DIS3L2: variants seen among roughly 807,000 people sequenced by gnomAD.
The protein encoded by DIS3L2 is DIS3 like 3'-5' exoribonuclease 2, also known as DIS3-like exonuclease 2.
A neutral mutation model predicts 97.5 loss-of-function variants in DIS3L2; 34 were observed. The ratio of observed to expected loss-of-function variants is 0.35; its 90% CI spans 0.27 to 0.46. DIS3L2 has a LOEUF of 0.46. Among genes scored for constraint, DIS3L2 ranks in the 20% least tolerant of loss-of-function variants. The pLI, the probability that DIS3L2 is intolerant of heterozygous loss-of-function variation, is 1.00. For synonymous variants in DIS3L2, 435 were observed against 445.2 expected, an observed-to-expected ratio of 0.98 and a Z score of 0.29; for missense variants, 1,038 against 1,146.0, an observed-to-expected ratio of 0.91 and a Z score of 1.36.
At chr2:232,077,139 G>A (rs927329331) in intron 5 of DIS3L2, among the ~76,000 whole-genome samples, 4 of 151,974 alleles carry the variant, frequency 2.6e-5, no homozygotes, top group African/African-American at 9.7e-5. Flanking sequence ...GTTTTTCTGG[G>A]TGCCCTCCAC....
intron 9 of DIS3L2, among the ~76,000 whole-genome samples, chr2:232,165,391 A>G (rs547550884): frequency 2.6e-4 from 39 of 152,320 alleles, no homozygotes; most frequent in African/African-American, 7.0e-4. Flanking sequence ...ATCAAAGTAT[A>G]TATGCATAGA....
intron 14 of DIS3L2, among the ~76,000 whole-genome samples, chr2:232,322,377 C>T (rs1695460866): frequency 6.6e-6 from 1 of 152,238 alleles, no homozygotes. Flanking sequence ...GCAGTCTCCA[C>T]ATCCAGCCCT....
intron 9 of DIS3L2, among the ~76,000 whole-genome samples, chr2:232,182,191 A>AT (rs201049740): frequency 0.012 from 1,883 of 152,096 alleles, 17 homozygotes; most frequent in Non-Finnish European, 0.018. Flanking sequence ...TCTTTGACGT[A>AT]TTTTTTATTT....
intron 10 of DIS3L2, among the ~76,000 whole-genome samples, chr2:232,225,491 T>C (rs1692620468): frequency 6.6e-6 from 1 of 152,142 alleles, no homozygotes; most frequent in African/African-American, 2.4e-5. Context: ...CATATGAATC[T>C]AGTTATGTAA....
exon 14 of DIS3L2, chr2:232,343,856 T>A: frequency 2.8e-6 from 1 of 354,776 alleles, no homozygotes; most frequent in South Asian, 4.8e-5. Context: ...AGAGCTTCCC[T>A]TTATGGAGCT....
chr2:232,123,458 G>A (rs572326413), intron 6 of DIS3L2, among the ~76,000 whole-genome samples: 1 of 152,056 alleles, frequency 6.6e-6, no homozygotes, highest in African/African-American at 2.4e-5. Context: ...TTATTGTAAT[G>A]GCTTCCTTAC....
chr2:232,070,063 C>G (rs1265058125), intron 5 of DIS3L2, among the ~76,000 whole-genome samples: 2 of 152,132 alleles, frequency 1.3e-5, no homozygotes, highest in Non-Finnish European at 2.9e-5. Flanking sequence ...GAAAAGCAAC[C>G]ACCCATGTAC....
At chr2:232,185,023 C>T (rs1438475994) in intron 9 of DIS3L2, among the ~76,000 whole-genome samples, 1 of 152,172 alleles carries the variant, frequency 6.6e-6, no homozygotes, top group Non-Finnish European at 1.5e-5. Context: ...GCTCACTTGC[C>T]ATAATGTACC....
At chr2:232,255,423 T>G (rs1693533632) in intron 12 of DIS3L2, among the ~76,000 whole-genome samples, 1 of 152,218 alleles carries the variant, frequency 6.6e-6, no homozygotes, top group Non-Finnish European at 1.5e-5. Context: ...TGGAATGGCT[T>G]ACTTTCTGGA....
At chr2:232,208,405 G>A (rs62197753) in intron 9 of DIS3L2, among the ~76,000 whole-genome samples, 6 of 151,874 alleles carry the variant, frequency 4.0e-5, no homozygotes, top group Non-Finnish European at 5.9e-5. Context: ...CCACCTCCCG[G>A]GTTCAAACAA....
chr2:232,254,936 G>A (rs1374924947), intron 12 of DIS3L2, among the ~76,000 whole-genome samples: 2 of 152,186 alleles, frequency 1.3e-5, no homozygotes, highest in African/African-American at 4.8e-5. Context: ...TTGTACTGTT[G>A]GTTATCCAAA....
Position 232,333,239 on chromosome 2 carries a change from T to TCCTCCTCCTCCTCCTCCGCTGTCG in DIS3L2, c.2011-584_2011-561dup, listed in dbSNP as rs1559218661. ...CTCCTCCGCTGTCGCCTCCTCCTCC[T>TCCTCCTCCTCCTCCTCCGCTGTCG]CCTCCTCCTCCTCCTCCGCTGTCGC... On this transcript the variant is annotated intron_variant, in intron 16 of 20. Coordinates refer to ENST00000325385, the MANE Select transcript of DIS3L2 (RefSeq NM_152383.5). 6.5e-5 allele frequency among the ~76,000 whole-genome samples: 4 copies of TCCTCCTCCTCCTCCTCCGCTGTCG among 61,678 alleles called. No individual in the cohort carries two copies. In the East Asian group the frequency reaches 2.0e-3, roughly 31 times the overall value. 40.5% of individuals were successfully genotyped at this position (61,678 alleles called of 152,430 possible).
chr2:232,115,512 C>T (rs2106336183), intron 6 of DIS3L2, among the ~76,000 whole-genome samples: 1 of 152,284 alleles, frequency 6.6e-6, no homozygotes, highest in East Asian at 1.9e-4. Context: ...TTCTCTCTTC[C>T]TGAGATTCTG....
chr2:232,336,072 G>A (rs1331798687), intron 20 of DIS3L2, 198 bp downstream of exon 20: 6 of 1,536,826 alleles, frequency 3.9e-6, no homozygotes, highest in Non-Finnish European at 5.3e-6. Context: ...TCCCTTCCTT[G>A]GGGGCAACCA....
chr2:232,077,345 G>T (rs1696224865), intron 5 of DIS3L2, among the ~76,000 whole-genome samples: 1 of 150,976 alleles, frequency 6.6e-6, no homozygotes, highest in African/African-American at 2.4e-5. Context: ...TCTGTGCTTG[G>T]TAAAACTAAC....
chr2:232,090,683 GA>G (rs1336270336), intron 6 of DIS3L2, among the ~76,000 whole-genome samples: 1 of 152,198 alleles, frequency 6.6e-6, no homozygotes, highest in Non-Finnish European at 1.5e-5. Context: ...AAGACTTCTA[GA>G]AAGGTTCTTT....
intron 9 of DIS3L2, among the ~76,000 whole-genome samples, chr2:232,183,209 A>T (rs973431019): frequency 1.3e-5 from 2 of 152,232 alleles, no homozygotes; most frequent in African/African-American, 4.8e-5. Context: ...TCCACTCTCC[A>T]AAACTGTGAG....
chr2:231,969,599 C>T (rs1692834532), intron 1 of DIS3L2, among the ~76,000 whole-genome samples: 1 of 152,202 alleles, frequency 6.6e-6, no homozygotes, highest in African/African-American at 2.4e-5. Context: ...GCGTGAACCA[C>T]TGCGCCTGGC....
chr2:232,310,333 G>T (rs1213619164), intron 14 of DIS3L2, among the ~76,000 whole-genome samples: 2 of 152,180 alleles, frequency 1.3e-5, no homozygotes, highest in African/African-American at 4.8e-5. Flanking sequence ...TATTGTGCAC[G>T]TGGGAGTCAG....
Sources: gnomAD v4.1 joint callset for allele counts (sites outside exome capture counted in the v4.1 genomes callset) on GRCh38, gnomAD v4.1.1 for gene constraint, MANE v1.5 for transcripts, NCBI Gene and HGNC (gene_info 2026-07-23, HGNC 2026-07-21) for gene names.